Variants in VAMP7 observed in about 807,000 individuals in gnomAD.
The protein encoded by VAMP7 is vesicle associated membrane protein 7, also known as vesicle-associated membrane protein 7.
Under a neutral mutation model 29.6 loss-of-function variants are expected in VAMP7, and 14 were observed. The observed-to-expected ratio is 0.47, with a 90% CI of 0.31 to 0.74. VAMP7 has a LOEUF of 0.74. VAMP7 is among the 30% of genes least tolerant of loss of function. The pLI is 0.05. For missense variants in VAMP7, 223 were observed against 262.4 expected (o/e 0.85, Z 1.04); for synonymous variants, 95 against 88.1 (o/e 1.08, Z -0.44).
At chrX:155,925,899 C>T (rs747126349) in intron 6 of VAMP7, among the ~76,000 whole-genome samples, 5 of 152,206 alleles carry the variant, frequency 3.3e-5, no homozygotes, top group East Asian at 1.9e-4. Context: ...GGCATGAAAA[C>T]GACATTTATC....
intron 5 of VAMP7, among the ~76,000 whole-genome samples, chrX:155,904,915 T>C (rs1490448574): frequency 1.3e-5 from 2 of 148,360 alleles, no homozygotes; most frequent in Non-Finnish European, 3.0e-5. Context: ...ATTATATATA[T>C]ATATATATGT....
intron 6 of VAMP7, among the ~76,000 whole-genome samples, chrX:155,936,070 C>G (rs952297267): frequency 6.7e-3 from 39 of 5,850 alleles, no homozygotes; most frequent in African/African-American, 9.8e-3. Context: ...GGTTTTGTCT[C>G]AGAGGGGTAC....
intron 4 of VAMP7, among the ~76,000 whole-genome samples, chrX:155,899,658 A>G (rs371571555): frequency 2.2e-4 from 33 of 152,016 alleles, no homozygotes; most frequent in Admixed American, 6.6e-4. Flanking sequence ...CCACTAGGAA[A>G]TGTTCATCTG....
intron 5 of VAMP7, among the ~76,000 whole-genome samples, chrX:155,911,888 T>C (rs1416237039): frequency 6.6e-6 from 1 of 152,118 alleles, no homozygotes; most frequent in East Asian, 1.9e-4. Context: ...AGACATAAGA[T>C]CATATCATCT....
chrX:155,940,729 G>A (rs751532155), intron 7 of VAMP7, among the ~76,000 whole-genome samples: 1 of 152,206 alleles, frequency 6.6e-6, no homozygotes, highest in East Asian at 1.9e-4. Context: ...TTACAGCTGT[G>A]ACAAATAGTC....
Position 155,919,006 on chromosome X carries a change from A to G in VAMP7, c.434-807A>G, listed in dbSNP as rs1005151772. 7.2e-5 allele frequency among the ~76,000 whole-genome samples: 11 copies of G among 152,104 alleles called. 1 individual carries two copies. The highest frequency in any genetic ancestry group is 2.9e-5 in the Non-Finnish European group (2 of 68,016). Reference sequence around the variant, plus strand: ...CTAGTATTTCGTTGAGGATTTTTGCATCTGTGATCATCAGGGTTGTTGGCC... The same window carrying G: ...CTAGTATTTCGTTGAGGATTTTTGCGTCTGTGATCATCAGGGTTGTTGGCC... On this transcript the variant is annotated intron_variant, in intron 5 of 7. Transcript: ENST00000286448.
chrX:155,938,361 G>T (rs1204431381), intron 6 of VAMP7, among the ~76,000 whole-genome samples: 10 of 152,170 alleles, frequency 6.6e-5, no homozygotes, highest in Non-Finnish European at 1.3e-4. Flanking sequence ...AAAGACTGGT[G>T]CCCCTGTCAG....
intron 1 of VAMP7, among the ~76,000 whole-genome samples, chrX:155,886,365 A>G (rs920397627): frequency 2.0e-5 from 3 of 152,144 alleles, no homozygotes; most frequent in African/African-American, 7.2e-5. Flanking sequence ...AGGAATTCCT[A>G]TTAGTGACAT....
chrX:155,893,089 T>G (rs1368429920), intron 2 of VAMP7, among the ~76,000 whole-genome samples: 1 of 152,162 alleles, frequency 6.6e-6, no homozygotes, highest in Non-Finnish European at 1.5e-5. Context: ...TGTTTATTTC[T>G]GTACCCTGAC....
rs1402138747 is a variant in VAMP7 at position 155,939,596 on chromosome X, T to C, written c.502-105T>C. On this transcript the variant is annotated intron_variant, in intron 6 of 7. Coordinates refer to ENST00000286448, the MANE Select transcript of VAMP7 (RefSeq NM_005638.6). ...AGTCTCTACTTGTAAAGAGAGGTCA[T>C]TGGACTTAAATGGAATTAATGGAAG... 3.0e-5 allele frequency: 25 copies of C among 846,874 alleles called. No homozygotes were observed. The South Asian group carries it at 3.3e-4, about 11-fold the overall frequency. The allele number at this position is 846,874 out of a possible 1,614,324, so 52.5% of individuals were successfully genotyped here. A position where few individuals can be genotyped will look rare whatever the true frequency, so the allele number is the denominator to read the frequency against.
At chrX:155,918,570 C>T (rs1159461661) in intron 5 of VAMP7, among the ~76,000 whole-genome samples, 5 of 152,096 alleles carry the variant, frequency 3.3e-5, no homozygotes, top group Non-Finnish European at 2.9e-5. Flanking sequence ...GGGAGTTCCC[C>T]GACCCCTTGT....
chrX:155,941,623 G>C (rs1440736450), intron 7 of VAMP7, among the ~76,000 whole-genome samples: 1 of 152,058 alleles, frequency 6.6e-6, no homozygotes, highest in Non-Finnish European at 1.5e-5. Context: ...CGAGTTACCA[G>C]TGAAGAGCAA....
intron 1 of VAMP7, among the ~76,000 whole-genome samples, chrX:155,888,511 A>G (rs2065891210): frequency 6.6e-6 from 1 of 152,222 alleles, no homozygotes; most frequent in African/African-American, 2.4e-5. Flanking sequence ...TTTAACAGTT[A>G]ATCGAAGACT....
rs2066009100 is a variant in VAMP7 at position 155,898,029 on chromosome X, G to A, written c.205-83G>A. ...GATAATCATTGCTCAGTAAATGTTA[G>A]CTGTTTTTTATTGTTGTTCTTAATC... is the stretch of plus-strand genomic sequence containing the variant. On this transcript the variant is annotated intron_variant, in intron 3 of 7. Coordinates refer to ENST00000286448, the MANE Select transcript of VAMP7 (RefSeq NM_005638.6). 2.0e-6 allele frequency: 3 copies of A among 1,511,020 alleles called. No individual in the cohort carries two copies. The African/African-American group carries it at 4.2e-5, about 21-fold the overall frequency. The allele number at this position is 1,511,020 out of a possible 1,614,324, so 93.6% of individuals were successfully genotyped here.
chrX:155,919,468 A>G (rs187948818), intron 5 of VAMP7, among the ~76,000 whole-genome samples: 1 of 152,274 alleles, frequency 6.6e-6, no homozygotes, highest in East Asian at 1.9e-4. Context: ...TTGAGGATAT[A>G]TCTATGGTGT....
At chrX:155,941,493 G>T (rs2066743380) in intron 7 of VAMP7, among the ~76,000 whole-genome samples, 2 of 152,008 alleles carry the variant, frequency 1.3e-5, no homozygotes, top group South Asian at 2.1e-4. Context: ...AAATTCATGT[G>T]CAAAACCTAA....
chrX:155,925,061 T>C (rs963627915), intron 6 of VAMP7, among the ~76,000 whole-genome samples: 34 of 152,208 alleles, frequency 2.2e-4, no homozygotes, highest in African/African-American at 7.7e-4. Context: ...AGTTCAGTCA[T>C]GTCTTCAGGC....
At chrX:155,917,811 A>G (rs190531439) in intron 5 of VAMP7, among the ~76,000 whole-genome samples, 421 of 152,238 alleles carry the variant, frequency 2.8e-3, no homozygotes, top group African/African-American at 9.8e-3. Flanking sequence ...GAGGCAGTCT[A>G]TACTTTAGCA....
intron 2 of VAMP7, among the ~76,000 whole-genome samples, chrX:155,890,256 G>A (rs190886789): frequency 2.6e-5 from 4 of 152,246 alleles, no homozygotes; most frequent in Admixed American, 6.5e-5. Flanking sequence ...GTCATGTAGG[G>A]CCTTGTAGGC....
Sources: allele counts gnomAD v4.1 joint callset (sites outside exome capture counted in the v4.1 genomes callset), GRCh38; gene constraint gnomAD v4.1.1; transcripts MANE v1.5; gene names NCBI Gene and HGNC (gene_info 2026-07-23, HGNC 2026-07-21).